MDFIC: variants seen among roughly 807,000 people sequenced by gnomAD.
MDFIC encodes the protein MyoD family inhibitor domain containing, also known as myoD family inhibitor domain-containing protein.
In MDFIC, 17 loss-of-function variants were observed where a neutral mutation model predicts 23.2. The ratio of observed to expected loss-of-function variants is 0.73; its 90% confidence interval spans 0.50 to 1.10. The LOEUF is 1.10. MDFIC is among the 50% of genes least tolerant of loss of function. The pLI, the probability that MDFIC is intolerant of heterozygous loss-of-function variation, is 0.00. For missense variants in MDFIC, 356 were observed against 316.6 expected (o/e 1.12, Z -0.95); for synonymous variants, 120 against 115.2 (o/e 1.04, Z -0.27).
At chr7:114,923,210 G>C in intron 2 of MDFIC, 83 bp downstream of exon 2, 1 of 1,492,832 alleles carries the variant, frequency 6.7e-7, no homozygotes, top group Non-Finnish European at 9.0e-7. Context: ...ATAGGGGTGG[G>C]GGGAGTGCTG....
intron 2 of MDFIC, among the ~76,000 whole-genome samples, chr7:114,936,598 A>G (rs1792429076): frequency 6.6e-6 from 1 of 152,188 alleles, no homozygotes; most frequent in South Asian, 2.1e-4. Flanking sequence ...AACCTGACCA[A>G]GAATAAAAGT....
At chr7:115,004,590 G>A (rs1224059359) in intron 4 of MDFIC, among the ~76,000 whole-genome samples, 1 of 152,172 alleles carries the variant, frequency 6.6e-6, no homozygotes, top group African/African-American at 2.4e-5. Flanking sequence ...TACATTCCTT[G>A]ATCTTTGTCT....
At chr7:114,968,970 A>T (rs1338961821) in intron 3 of MDFIC, among the ~76,000 whole-genome samples, 2 of 152,134 alleles carry the variant, frequency 1.3e-5, no homozygotes, top group Non-Finnish European at 1.5e-5. Context: ...CCCTAATCTC[A>T]AGGAGATACC....
rs550234556 is a variant in MDFIC, at chr7:114,999,134, A to T, written c.494-16554A>T. On this transcript the variant is annotated intron_variant, in intron 4 of 4. Transcript: ENST00000393486. ...CTCCCCTTACCTGTTTCATTTGCAA[A>T]TTTTACATGATTTCATTTAATTATT... is the stretch of plus-strand genomic sequence containing the variant. Among the ~76,000 whole-genome samples the T allele has an allele frequency of 2.6e-5, 4 of 151,732 alleles. No individual in the cohort carries two copies. In the East Asian group the frequency reaches 5.8e-4, roughly 22 times the overall value.
chr7:114,995,423 C>A (rs1791302616), intron 4 of MDFIC, among the ~76,000 whole-genome samples: 1 of 152,176 alleles, frequency 6.6e-6, no homozygotes, highest in African/African-American at 2.4e-5. Context: ...GATAGGCACT[C>A]TGATTTTTAG....
At position 114,963,003 on chromosome 7, in the gene MDFIC, G is replaced by A. The variant is rs187508126; in HGVS notation, c.218-16503G>A. Among the ~76,000 whole-genome samples, 438 of 152,202 alleles carry A rather than the reference G, an allele frequency of 2.9e-3. 2 individuals carry two copies. The highest frequency in any genetic ancestry group is 1.0e-2 in the African/African-American group (414 of 41,532). ...TAATTAAAGTATAAAATTTCTGAAA[G>A]TGTTTTCTAATATTCCAAATTGTGG... is the stretch of plus-strand genomic sequence containing the variant. On this transcript the variant is annotated intron_variant, in intron 3 of 4. Coordinates refer to ENST00000393486, the MANE Select transcript of MDFIC (RefSeq NM_001166345.3).
At chr7:114,978,881 AT>A (rs1793366497) in intron 3 of MDFIC, among the ~76,000 whole-genome samples, 1 of 152,084 alleles carries the variant, frequency 6.6e-6, no homozygotes, top group African/African-American at 2.4e-5. Context: ...CTGACATTTA[AT>A]TTTGGTAGAT....
chr7:114,995,763 G>A (rs764093452), intron 4 of MDFIC, among the ~76,000 whole-genome samples: 2 of 152,352 alleles, frequency 1.3e-5, no homozygotes, highest in South Asian at 2.1e-4. Context: ...CTACTGGGGG[G>A]TGCCTCCCAG....
At chr7:114,976,249 G>A (rs1793306824) in intron 3 of MDFIC, among the ~76,000 whole-genome samples, 1 of 152,032 alleles carries the variant, frequency 6.6e-6, no homozygotes, top group South Asian at 2.1e-4. Flanking sequence ...TTGACAAGGA[G>A]TCTCCCCAGC....
At chr7:114,986,211 A>C (rs1245138875) in intron 4 of MDFIC, among the ~76,000 whole-genome samples, 1 of 151,788 alleles carries the variant, frequency 6.6e-6, no homozygotes, top group African/African-American at 2.4e-5. Context: ...TTTTAAAACT[A>C]TTTTTTGGTT....
At chr7:115,012,775 C>T (rs1365177951) in intron 4 of MDFIC, among the ~76,000 whole-genome samples, 12 of 151,914 alleles carry the variant, frequency 7.9e-5, no homozygotes, top group Admixed American at 6.6e-4. Context: ...GTCAGGAGTC[C>T]GAGACCAGCT....
rs1004113871 is a variant in MDFIC, at chr7:115,015,473, C to CT, written c.494-204dup. On this transcript the variant is annotated intron_variant, in intron 4 of 4. Transcript: ENST00000393486. ...TGAACACATGTGCGTACACACAATA[C>CT]TTTTTTTTTTTCGAACTAAGTATCT... Among the ~76,000 whole-genome samples the CT allele has an allele frequency of 3.3e-3, 481 of 147,606 alleles. 4 individuals carry two copies. Among genetic ancestry groups the CT allele is most frequent in the Middle Eastern group, 0.018 (5 of 278 alleles).
intron 3 of MDFIC, among the ~76,000 whole-genome samples, chr7:114,972,677 G>A (rs1449982395): frequency 6.6e-6 from 1 of 152,012 alleles, no homozygotes; most frequent in East Asian, 1.9e-4. Context: ...CACTCAGGCT[G>A]GAGTGCAGTG....
At position 114,922,625 on chromosome 7, in the gene MDFIC, G is replaced by C; in HGVS notation, c.-119G>C. On this transcript the variant is annotated 5_prime_UTR_variant, in exon 1 of 5. Coordinates refer to ENST00000393486, the MANE Select transcript of MDFIC (RefSeq NM_001166345.3). ...AGGAAGGGGCTTGGAGCGACTACGG[G>C]GGGATGCGGAGGTAGGTAGTGGTCT... 8 of 1,282,968 alleles carry C rather than the reference G, an allele frequency of 6.2e-6. No homozygotes were observed. Among genetic ancestry groups the C allele is most frequent in the Non-Finnish European group, 7.9e-6 (8 of 1,008,622 alleles). The allele number at this position is 1,282,968 out of a possible 1,614,324, so 79.5% of individuals were successfully genotyped here. A position where few individuals can be genotyped will look rare whatever the true frequency, so the allele number is the denominator to read the frequency against.
At chr7:114,957,575 T>C (rs1476907219) in intron 3 of MDFIC, among the ~76,000 whole-genome samples, 2 of 152,182 alleles carry the variant, frequency 1.3e-5, no homozygotes, top group African/African-American at 4.8e-5. Flanking sequence ...TCTAGGCATT[T>C]GGGACAATAC....
intron 3 of MDFIC, among the ~76,000 whole-genome samples, chr7:114,965,225 A>T (rs1435232943): frequency 6.6e-6 from 1 of 152,182 alleles, no homozygotes; most frequent in Non-Finnish European, 1.5e-5. Flanking sequence ...GAATCAGGAG[A>T]AATTCAGTGT....
At chr7:114,942,220 AAGG>A in intron 2 of MDFIC, 52 bp from the exon 3 acceptor site, 1 of 1,158,398 alleles carries the variant, frequency 8.6e-7, no homozygotes, top group Non-Finnish European at 1.2e-6. Context: ...TATACTAAAA[AAGG>A]AGAGAAAAAT....
intron 3 of MDFIC, among the ~76,000 whole-genome samples, chr7:114,952,899 G>A (rs1046822139): frequency 1.2e-4 from 19 of 152,148 alleles, no homozygotes; most frequent in Admixed American, 6.6e-4. Context: ...TTGCAAAGGC[G>A]CTGTCATAAT....
chr7:114,927,069 G>C (rs1025780625), intron 2 of MDFIC, among the ~76,000 whole-genome samples: 2 of 152,116 alleles, frequency 1.3e-5, no homozygotes, highest in African/African-American at 4.8e-5. Flanking sequence ...TGAACATTTT[G>C]TAATGCATAG....
Sources: allele counts gnomAD v4.1 joint callset (sites outside exome capture counted in the v4.1 genomes callset), GRCh38; gene constraint gnomAD v4.1.1; transcripts MANE v1.5; gene names NCBI Gene and HGNC (gene_info 2026-07-23, HGNC 2026-07-21).